PCBP3: variants seen among roughly 807,000 people sequenced by gnomAD.
PCBP3 encodes poly(rC)-binding protein 3.
A neutral mutation model predicts 52.7 loss-of-function variants in PCBP3; 25 were observed. The ratio of observed to expected loss-of-function variants is 0.47; its 90% confidence interval spans 0.35 to 0.66. PCBP3 has a LOEUF of 0.66. PCBP3 is among the 30% of genes least tolerant of loss of function. PCBP3 has a pLI of 0.01. For missense variants in PCBP3, 391 were observed against 490.3 expected (o/e 0.80, Z 1.91); for synonymous variants, 162 against 183.0 (o/e 0.89, Z 0.93).
At chr21:45,820,000 C>T (rs2093081830) in intron 4 of PCBP3, among the ~76,000 whole-genome samples, 1 of 152,200 alleles carries the variant, frequency 6.6e-6, no homozygotes, top group Admixed American at 6.5e-5. Flanking sequence ...GTTACTCAGG[C>T]CCGCTGGGGA....
intron 4 of PCBP3, among the ~76,000 whole-genome samples, chr21:45,771,360 T>C (rs1426486546): frequency 1.3e-5 from 2 of 152,214 alleles, no homozygotes; most frequent in African/African-American, 2.4e-5. Context: ...CAGTAAAGAC[T>C]TAGAGATTTC....
chr21:45,797,497 A>G (rs62213559), intron 4 of PCBP3, among the ~76,000 whole-genome samples: 35 of 454 alleles, frequency 0.077, no homozygotes, highest in Middle Eastern at 0.5. Flanking sequence ...GAGAGAGTGT[A>G]ATGCATGGAT....
chr21:45,855,114 G>A (rs551313126), intron 5 of PCBP3, among the ~76,000 whole-genome samples: 158 of 152,264 alleles, frequency 1.0e-3, no homozygotes, highest in African/African-American at 3.7e-3. Flanking sequence ...GCTCCACCAC[G>A]GAGGGAGGGA....
At chr21:45,660,639 A>T (rs1444551195) in intron 1 of PCBP3, among the ~76,000 whole-genome samples, 2 of 152,236 alleles carry the variant, frequency 1.3e-5, no homozygotes, top group East Asian at 3.9e-4. Flanking sequence ...GGCAATTTGT[A>T]ACAGTTTAGT....
rs554414528 is a variant in PCBP3, at chr21:45,863,585, G to A, written c.10+13490G>A. On this transcript the variant is annotated intron_variant, in intron 5 of 17. Coordinates refer to ENST00000681687, the MANE Select transcript of PCBP3 (RefSeq NM_001384156.1). ...GTCACATGTGCCTGGCCCATGTCAC[G>A]CGGCTCCCGCCCGAGGCCAATGGGG... Among the ~76,000 whole-genome samples the A allele has an allele frequency of 6.6e-5, 10 of 152,348 alleles. No homozygotes were observed. The South Asian group carries it at 1.4e-3, about 22-fold the overall frequency.
chr21:45,722,417 A>G (rs1033019274), intron 2 of PCBP3, among the ~76,000 whole-genome samples: 6 of 152,214 alleles, frequency 3.9e-5, no homozygotes, highest in Admixed American at 3.9e-4. Flanking sequence ...AAATGAATGT[A>G]TATCACTTTT....
intron 4 of PCBP3, among the ~76,000 whole-genome samples, chr21:45,819,226 G>T (rs2147330348): frequency 6.6e-6 from 1 of 152,228 alleles, no homozygotes; most frequent in Middle Eastern, 3.4e-3. Context: ...GGGCTGTGGG[G>T]GATGGGCCGT....
At chr21:45,862,568 A>G (rs749178960) in intron 5 of PCBP3, among the ~76,000 whole-genome samples, 10 of 151,862 alleles carry the variant, frequency 6.6e-5, no homozygotes, top group East Asian at 1.9e-4. Context: ...CACATATTCT[A>G]TTTTTTTCTG....
intron 4 of PCBP3, chr21:45,763,494 C>A (rs1269425689): frequency 6.6e-6 from 1 of 152,288 alleles, no homozygotes; most frequent in Non-Finnish European, 1.5e-5. Flanking sequence ...TTCTCCTAAA[C>A]TCGGCGTAGA....
At chr21:45,718,627 C>G (rs1400055001) in intron 2 of PCBP3, among the ~76,000 whole-genome samples, 1 of 152,010 alleles carries the variant, frequency 6.6e-6, no homozygotes, top group African/African-American at 2.4e-5. Context: ...ACTGTTCTTA[C>G]CAAGGTCCAG....
intron 3 of PCBP3, among the ~76,000 whole-genome samples, chr21:45,738,301 C>T (rs2086045550): frequency 6.8e-6 from 1 of 148,040 alleles, no homozygotes; most frequent in African/African-American, 2.5e-5. Flanking sequence ...GTCGCCCAGG[C>T]TGGAGTGCAG....
intron 9 of PCBP3, chr21:45,901,343 A>G: frequency 2.0e-6 from 1 of 492,642 alleles, no homozygotes; most frequent in Non-Finnish European, 3.7e-6. Context: ...TCCCGGCTGT[A>G]TGCCTTAGGT....
intron 2 of PCBP3, among the ~76,000 whole-genome samples, chr21:45,714,579 A>G (rs1294437629): frequency 6.6e-6 from 1 of 152,262 alleles, no homozygotes; most frequent in Non-Finnish European, 1.5e-5. Context: ...TCAAAGATCT[A>G]GAAAGAATAA....
intron 5 of PCBP3, chr21:45,872,092 C>A (rs931892026): frequency 6.6e-6 from 1 of 152,248 alleles, no homozygotes; most frequent in African/African-American, 2.4e-5. Context: ...CCTGGGCATC[C>A]AGCACGCCTT....
rs146784488 is a variant in PCBP3 at position 45,743,150 on chromosome 21, G to T, written c.-162+7721G>T. ...TTTCAAATTTTTTTCCAACTAATTT[G>T]TGTTATTTGGTTATTGTAATTGGGA... On this transcript the variant is annotated intron_variant, in intron 3 of 17. Coordinates refer to ENST00000681687, the MANE Select transcript of PCBP3 (RefSeq NM_001384156.1). 1.0e-3 allele frequency among the ~76,000 whole-genome samples: 155 copies of T among 152,116 alleles called. 1 individual carries two copies. The highest frequency in any genetic ancestry group is 2.5e-3 in the Admixed American group (38 of 15,290).
At chr21:45,841,939 C>T (rs777635380) in intron 4 of PCBP3, among the ~76,000 whole-genome samples, 10 of 152,220 alleles carry the variant, frequency 6.6e-5, no homozygotes, top group Admixed American at 5.9e-4. Flanking sequence ...TCACTCTCCA[C>T]GCTGAGCTGT....
At chr21:45,768,444 G>T (rs562884338) in intron 4 of PCBP3, among the ~76,000 whole-genome samples, 1 of 152,352 alleles carries the variant, frequency 6.6e-6, no homozygotes, top group Admixed American at 6.5e-5. Context: ...GCATCAGACT[G>T]TGGGGCACCG....
At chr21:45,877,160 T>C (rs2095281819) in intron 5 of PCBP3, among the ~76,000 whole-genome samples, 1 of 152,214 alleles carries the variant, frequency 6.6e-6, no homozygotes, top group Non-Finnish European at 1.5e-5. Flanking sequence ...TGTCATTCAC[T>C]GTTATTTTTG....
At chr21:45,901,144 C>A in intron 9 of PCBP3, 31 bp downstream of exon 9, 1 of 1,492,476 alleles carries the variant, frequency 6.7e-7, no homozygotes, top group Non-Finnish European at 9.3e-7. Flanking sequence ...CTCTGCCAGC[C>A]TGGCGGGGGC....
Sources: gnomAD v4.1 joint callset for allele counts (sites outside exome capture counted in the v4.1 genomes callset) on GRCh38, gnomAD v4.1.1 for gene constraint, MANE v1.5 for transcripts, NCBI Gene and HGNC (gene_info 2026-07-23, HGNC 2026-07-21) for gene names.